Variants in AAMDC observed in about 807,000 individuals in gnomAD.
AAMDC encodes the protein adipogenesis associated Mth938 domain containing, also known as mth938 domain-containing protein.
Under a neutral mutation model 15.5 loss-of-function variants are expected in AAMDC, and 16 were observed. The ratio of observed to expected loss-of-function variants is 1.03; its 90% CI spans 0.70 to 1.57. AAMDC has a LOEUF of 1.57. AAMDC is among the 40% of genes most tolerant of loss of function. The pLI, the probability that AAMDC is intolerant of heterozygous loss-of-function variation, is 0.00. For missense variants in AAMDC, 141 were observed against 144.9 expected (o/e 0.97, Z 0.14); for synonymous variants, 51 against 51.6 (o/e 0.99, Z 0.05).
chr11:77,887,460 A>C (rs935256060), intron 5 of AAMDC, among the ~76,000 whole-genome samples: 1 of 152,238 alleles, frequency 6.6e-6, no homozygotes, highest in South Asian at 2.1e-4. Flanking sequence ...CCCACAGCCA[A>C]TATCATACTG....
At chr11:77,857,510 G>A (rs1398634988) in intron 2 of AAMDC, among the ~76,000 whole-genome samples, 2 of 152,144 alleles carry the variant, frequency 1.3e-5, no homozygotes, top group Non-Finnish European at 2.9e-5. Context: ...ATAATTGGTT[G>A]AGGCTAGATT....
rs1273176159 is a variant in AAMDC, at chr11:77,852,233, AAAAAAAAAG to A, written c.132+9608_132+9616del. Among the ~76,000 whole-genome samples, 178 of 149,330 alleles carry A rather than the reference AAAAAAAAAG, an allele frequency of 1.2e-3. 3 individuals carry two copies. The highest frequency in any genetic ancestry group is 3.9e-3 in the African/African-American group (160 of 40,884). ...GAATGAGACACTGTCTCAAAAAAAAAAAAAAAAAGAAGAAGAAGAAGAAGTTCAAAGAAA... is the reference window on the plus strand; with the variant it reads ...GAATGAGACACTGTCTCAAAAAAAAAAAGAAGAAGAAGAAGTTCAAAGAAA... On this transcript the variant is annotated intron_variant, in intron 2 of 3. Transcript: ENST00000393427.
Position 77,872,322 on chromosome 11 carries a change from C to A in AAMDC, c.*7C>A, listed in dbSNP as rs1460067701. ...CTTCCATTCCACCTGCTGATGGAGC[C>A]TTAAGAGGAGAATAAATCACTAAGT... is the stretch of plus-strand genomic sequence containing the variant. On this transcript the variant is annotated 3_prime_UTR_variant, in exon 4 of 4. Transcript: ENST00000393427. 51 of 1,608,526 alleles carry A rather than the reference C, an allele frequency of 3.2e-5. No individual in the cohort carries two copies. The highest frequency in any genetic ancestry group is 5.1e-5 in the Admixed American group (3 of 58,734).
chr11:77,883,100 A>AATG (rs1951856822), intron 5 of AAMDC, among the ~76,000 whole-genome samples: 1 of 151,388 alleles, frequency 6.6e-6, no homozygotes, highest in Non-Finnish European at 1.5e-5. Flanking sequence ...TAATAATAAT[A>AATG]GCCTTATAAT....
intron 1 of AAMDC, among the ~76,000 whole-genome samples, chr11:77,822,670 G>A (rs1015338872): frequency 6.6e-6 from 1 of 152,134 alleles, no homozygotes; most frequent in South Asian, 2.1e-4. Flanking sequence ...ATTCTATATT[G>A]TAAGAAGAAT....
intron 1 of AAMDC, among the ~76,000 whole-genome samples, chr11:77,828,295 C>G (rs1383557965): frequency 6.6e-6 from 1 of 151,442 alleles, no homozygotes; most frequent in Admixed American, 6.6e-5. Flanking sequence ...AATACACAAA[C>G]AGCAAAAAAA....
chr11:77,840,272 T>G (rs1949873487), intron 1 of AAMDC, among the ~76,000 whole-genome samples: 1 of 152,204 alleles, frequency 6.6e-6, no homozygotes, highest in Non-Finnish European at 1.5e-5. Flanking sequence ...CTCACGCCTG[T>G]AATCCCAGCA....
At chr11:77,851,107 A>G (rs1950362310) in intron 2 of AAMDC, 1 of 152,118 alleles carries the variant, frequency 6.6e-6, no homozygotes, top group Admixed American at 6.6e-5. Flanking sequence ...GGCACATGCC[A>G]CCACGCCCGG....
At chr11:77,878,757 G>T in intron 5 of AAMDC, 1 of 693,056 alleles carries the variant, frequency 1.4e-6, no homozygotes, top group Non-Finnish European at 2.6e-6. Context: ...CAGGAGAAGG[G>T]TAAGTAGACT....
chr11:77,831,177 C>T (rs1306610522), intron 1 of AAMDC, among the ~76,000 whole-genome samples: 1 of 152,038 alleles, frequency 6.6e-6, no homozygotes, highest in East Asian at 1.9e-4. Flanking sequence ...AATACCACTT[C>T]ACACCCACAA....
At chr11:77,838,883 T>C (rs551559915) in intron 1 of AAMDC, among the ~76,000 whole-genome samples, 1 of 152,312 alleles carries the variant, frequency 6.6e-6, no homozygotes, top group Non-Finnish European at 1.5e-5. Flanking sequence ...CCCAAAGTGC[T>C]GGGATTACAG....
intron 1 of AAMDC, among the ~76,000 whole-genome samples, chr11:77,832,951 A>ATGTGTGTGTGTG (rs146936151): frequency 1.5e-5 from 1 of 68,418 alleles, no homozygotes; most frequent in Non-Finnish European, 2.6e-5. Context: ...GTATATATAT[A>ATGTGTGTGTGTG]TGTGTGTGTG....
intron 2 of AAMDC, among the ~76,000 whole-genome samples, chr11:77,853,049 A>G (rs1358486382): frequency 6.6e-6 from 1 of 152,178 alleles, no homozygotes; most frequent in Non-Finnish European, 1.5e-5. Context: ...ATCCAGGGTA[A>G]ATTTTTAGAA....
chr11:77,872,459 C>T, downstream of AAMDC: 1 of 938,192 alleles, frequency 1.1e-6, no homozygotes, highest in Admixed American at 3.3e-5. Context: ...CAGGGATGAC[C>T]AAGACAAGGT....
intron 1 of AAMDC, among the ~76,000 whole-genome samples, chr11:77,840,772 A>AT (rs1455067279): frequency 6.6e-6 from 1 of 151,986 alleles, no homozygotes; most frequent in Non-Finnish European, 1.5e-5. Context: ...ATGCCTTGTA[A>AT]TTTTTTGTTG....
intron 2 of AAMDC, among the ~76,000 whole-genome samples, chr11:77,849,034 GCTC>G (rs1950261944): frequency 2.0e-5 from 3 of 149,566 alleles, no homozygotes; most frequent in South Asian, 2.1e-4. Context: ...CTAAAGTGGT[GCTC>G]CTTTTTTTTT....
intron 2 of AAMDC, among the ~76,000 whole-genome samples, chr11:77,844,807 G>A (rs1368134179): frequency 6.6e-6 from 1 of 152,202 alleles, no homozygotes; most frequent in Admixed American, 6.5e-5. Flanking sequence ...TCACATAGGA[G>A]TGGGTCAGTG....
At chr11:77,825,435 G>T (rs1194543677) in intron 1 of AAMDC, among the ~76,000 whole-genome samples, 1 of 152,092 alleles carries the variant, frequency 6.6e-6, no homozygotes, top group Non-Finnish European at 1.5e-5. Context: ...AGCTGCGCAC[G>T]GTGGTTCAAA....
At chr11:77,883,849 G>C (rs757881473) in intron 5 of AAMDC, 1 of 1,612,886 alleles carries the variant, frequency 6.2e-7, no homozygotes, top group Non-Finnish European at 8.5e-7. Context: ...AGCGGTGTGG[G>C]AGAGATAAAC....
Sources: gnomAD v4.1 joint callset for allele counts (sites outside exome capture counted in the v4.1 genomes callset) on GRCh38, gnomAD v4.1.1 for gene constraint, MANE v1.5 for transcripts, NCBI Gene and HGNC (gene_info 2026-07-23, HGNC 2026-07-21) for gene names.